Variants in MYLK observed in about 807,000 individuals in gnomAD.
The protein encoded by MYLK is myosin light chain kinase, also known as myosin light chain kinase, smooth muscle.
In MYLK, 106 loss-of-function variants were observed where a neutral mutation model predicts 203.4. The ratio of observed to expected loss-of-function variants is 0.52; its 90% CI spans 0.45 to 0.61. The LOEUF (loss-of-function observed/expected upper bound fraction) is 0.61, where lower values mean the gene tolerates loss of function less well. Ranked by LOEUF, MYLK falls within the 20% of genes least tolerant of loss-of-function variation. The pLI is 0.00. For missense variants in MYLK, 2,072 were observed against 2,442.3 expected, an observed-to-expected ratio of 0.85 and a Z score of 3.20; for synonymous variants, 867 against 959.5, an observed-to-expected ratio of 0.90 and a Z score of 1.78.
intron 5 of MYLK, among the ~76,000 whole-genome samples, chr3:123,747,694 G>C (rs1560167362): frequency 6.6e-6 from 1 of 152,234 alleles, no homozygotes; most frequent in Non-Finnish European, 1.5e-5. Context: ...TTCGCCAGGT[G>C]ATTTCTGTGC....
chr3:123,823,310 C>A (rs1356367272), intron 3 of MYLK, among the ~76,000 whole-genome samples: 2 of 152,174 alleles, frequency 1.3e-5, no homozygotes, highest in East Asian at 3.9e-4. Flanking sequence ...CTCCACTGAC[C>A]TCCAGAATTT....
intron 3 of MYLK, among the ~76,000 whole-genome samples, chr3:123,796,171 G>A (rs1243957573): frequency 6.6e-6 from 1 of 152,102 alleles, no homozygotes; most frequent in Non-Finnish European, 1.5e-5. Flanking sequence ...ACTCTTCCAA[G>A]CCCTTTATAA....
In MYLK at chr3:123,786,970, C is replaced by G. The variant is rs755392002; in HGVS notation, c.165+6707G>C. On this transcript the variant is annotated intron_variant, in intron 4 of 33. Coordinates refer to ENST00000360304, the MANE Select transcript of MYLK (RefSeq NM_053025.4). ...GAGGGCTAAGGCAAATAACTTTTAACTTTGTCTGAATTTTTGTTTTAAAAA... is the reference window on the plus strand; with the variant it reads ...GAGGGCTAAGGCAAATAACTTTTAAGTTTGTCTGAATTTTTGTTTTAAAAA... Among the ~76,000 whole-genome samples, 118 of 152,136 alleles carry G rather than the reference C, an allele frequency of 7.8e-4. 1 individual carries two copies. Among genetic ancestry groups the G allele is most frequent in the African/African-American group, 1.4e-4 (6 of 41,426 alleles).
Position 123,610,422 on chromosome 3 carries a change from T to A in MYLK, c.*3683A>T, listed in dbSNP as rs1216064699. The A allele has an allele frequency of 6.6e-6, 1 of 152,184 alleles. No homozygotes were observed. Among genetic ancestry groups the A allele is most frequent in the East Asian group, 1.9e-4 (1 of 5,200 alleles). 9.4% of individuals were successfully genotyped at this position (152,184 alleles called of 1,614,324 possible). ...CTTGTGTTATGTCCCCATTTTGGGTTGGCTAGAGACCCAGATGGCTGCAGC... is the reference window on the plus strand; with the variant it reads ...CTTGTGTTATGTCCCCATTTTGGGTAGGCTAGAGACCCAGATGGCTGCAGC... On this transcript the variant is annotated 3_prime_UTR_variant, in exon 34 of 34. Transcript: ENST00000360304.
In MYLK at chr3:123,682,105, T is replaced by C. The variant is rs780437684; in HGVS notation, c.3652+119A>G. On this transcript the variant is annotated intron_variant, in intron 20 of 33. Transcript: ENST00000360304. ...TTCAGGGTGTGGGCAGACATCAGAC[T>C]TCCAGGGATTCAGGCAAGAGTGAGT... The C allele has an allele frequency of 5.0e-6, 4 of 794,682 alleles. No homozygotes were observed. In the South Asian group the frequency reaches 5.8e-5, roughly 12 times the overall value. The allele number at this position is 794,682 out of a possible 1,614,324, so 49.2% of individuals were successfully genotyped here. A position where few individuals can be genotyped will look rare whatever the true frequency, so the allele number is the denominator to read the frequency against.
intron 24 of MYLK, among the ~76,000 whole-genome samples, chr3:123,650,539 T>TA (rs1553782123): frequency 6.6e-6 from 1 of 152,002 alleles, no homozygotes; most frequent in Non-Finnish European, 1.5e-5. Flanking sequence ...TTAGTTTTTT[T>TA]AAAAAAAGAC....
At chr3:123,635,256 A>G (rs2058597117) in intron 29 of MYLK, among the ~76,000 whole-genome samples, 1 of 152,216 alleles carries the variant, frequency 6.6e-6, no homozygotes, top group African/African-American at 2.4e-5. Context: ...GCCACCAGAG[A>G]GCCTCTTTTG....
At chr3:123,800,916 A>C (rs774041229) in intron 3 of MYLK, among the ~76,000 whole-genome samples, 4 of 152,190 alleles carry the variant, frequency 2.6e-5, no homozygotes, top group Non-Finnish European at 4.4e-5. Context: ...TTTGTTTGTG[A>C]GTTACTGCTG....
rs1161966043 is a variant in MYLK at position 123,752,531 on chromosome 3, C to A, written c.173G>T (p.Gly58Val). ...CCATGTCACCTGGGGCTCTGGGTAACCCCGGACCTTCAAGAAAAAGAAGAA... is the reference window on the plus strand; with the variant it reads ...CCATGTCACCTGGGGCTCTGGGTAAACCCGGACCTTCAAGAAAAAGAAGAA... ...ATAKFEGRVR[G>V]YPEPQVTWHR... The change falls in exon 5 of 34, where the codon GGT (glycine) becomes GTT (valine). Residue 58 changes from glycine to valine, a missense_variant. Around this residue, in one of 3 missense-constraint regions of MYLK, gnomAD observed 683 missense variants for 643.8 expected, o/e 1.06. Coordinates refer to ENST00000360304, the MANE Select transcript of MYLK (RefSeq NM_053025.4). 1.2e-6 allele frequency: 2 copies of A among 1,613,176 alleles called. No homozygotes were observed. The highest frequency in any genetic ancestry group is 1.3e-5 in the African/African-American group (1 of 75,022).
intron 14 of MYLK, chr3:123,709,462 CT>C (rs2061606013): frequency 2.5e-6 from 1 of 399,760 alleles, no homozygotes; most frequent in Non-Finnish European, 4.7e-6. Context: ...TTGTACCAGT[CT>C]TCAAAACCTT....
At chr3:123,882,223 G>A (rs2033591576) in intron 1 of MYLK, among the ~76,000 whole-genome samples, 1 of 152,118 alleles carries the variant, frequency 6.6e-6, no homozygotes, top group Non-Finnish European at 1.5e-5. Context: ...AGACTAGTAT[G>A]GACAACATGG....
chr3:123,707,875 C>T lies in MYLK; in HGVS notation c.2269G>A (p.Asp757Asn). ...DPFPTVHWLR[D>N]GKALCKDTGH... is the part of the protein sequence containing the mutation. ...GTGTCTTTGCAGAGGGCTTTGCCAT[C>T]TCTGAGCCAGTGCACGGTAGGAAAG... The change falls in exon 16 of 34, where the codon GAT becomes AAT. Residue 757 changes from aspartate (D) to asparagine (N), a missense_variant. Physicochemically the swap from Asp to Asn is conservative, Grantham distance 23. This residue lies in a region of MYLK where 865 missense variants were observed against 1,016.0 expected (regional missense o/e 0.85). Transcript: ENST00000360304. The T allele has an allele frequency of 1.2e-6, 2 of 1,614,240 alleles. No individual in the cohort carries two copies. The highest frequency in any genetic ancestry group is 1.7e-6 in the Non-Finnish European group (2 of 1,180,054).
Position 123,642,628 on chromosome 3 carries a change from T to G in MYLK, c.4620-2124A>C, listed in dbSNP as rs1482632500. ...GGCGCTCTTGTCCTTATGCCCTCCA[T>G]TTCTATTGCTCTCTGCCAAGGCTCC... On this transcript the variant is annotated intron_variant, in intron 27 of 33. Coordinates refer to ENST00000360304, the MANE Select transcript of MYLK (RefSeq NM_053025.4). The surrounding 1 kb of genome is among the most constrained non-coding windows in gnomAD (Gnocchi z 4.2). 6.6e-6 allele frequency among the ~76,000 whole-genome samples: 1 copy of G among 152,240 alleles called. No individual in the cohort carries two copies. The highest frequency in any genetic ancestry group is 2.4e-5 in the African/African-American group (1 of 41,466).
At chr3:123,879,208 T>C (rs1363820375) in intron 1 of MYLK, among the ~76,000 whole-genome samples, 1 of 152,158 alleles carries the variant, frequency 6.6e-6, no homozygotes. Flanking sequence ...TTTGATCGAG[T>C]ATAAAATAAA....
intron 23 of MYLK, among the ~76,000 whole-genome samples, chr3:123,662,508 A>G (rs1267034412): frequency 6.6e-6 from 1 of 152,184 alleles, no homozygotes; most frequent in Non-Finnish European, 1.5e-5. Context: ...AATGTCAGAG[A>G]ATAGAGTCGA....
intron 16 of MYLK, among the ~76,000 whole-genome samples, chr3:123,706,026 C>T (rs542329171): frequency 6.6e-5 from 10 of 152,210 alleles, no homozygotes; most frequent in South Asian, 2.1e-4. Flanking sequence ...CTAGTTCAAG[C>T]ATAATGCAAA....
At chr3:123,628,522 C>A (rs1239029770) in intron 30 of MYLK, among the ~76,000 whole-genome samples, 2 of 152,212 alleles carry the variant, frequency 1.3e-5, no homozygotes, top group East Asian at 3.9e-4. Flanking sequence ...CCTCGGCACC[C>A]CTACAGTCAG....
intron 24 of MYLK, among the ~76,000 whole-genome samples, chr3:123,654,585 T>C (rs2108253000): frequency 6.6e-6 from 1 of 152,336 alleles, no homozygotes; most frequent in African/African-American, 2.4e-5. Flanking sequence ...TCAGTCTCCT[T>C]TGATACTTGA....
chr3:123,643,615 G>C (rs2058910435), intron 27 of MYLK, among the ~76,000 whole-genome samples: 1 of 152,206 alleles, frequency 6.6e-6, no homozygotes, highest in Non-Finnish European at 1.5e-5. Flanking sequence ...TGGTTTGATA[G>C]ACAGAAACTG....
Sources: allele counts gnomAD v4.1 joint callset (sites outside exome capture counted in the v4.1 genomes callset), GRCh38; gene constraint gnomAD v4.1.1; regional missense constraint gnomAD v4.1.1; non-coding constraint Gnocchi (gnomAD v3.1); transcripts MANE v1.5; gene names NCBI Gene and HGNC (gene_info 2026-07-23, HGNC 2026-07-21).